The following SLC25A21 variants were observed in gnomAD, a reference collection of about 807,000 sequenced individuals.
SLC25A21 encodes the protein solute carrier family 25 member 21, also known as mitochondrial 2-oxodicarboxylate carrier.
Under a neutral mutation model 43.8 loss-of-function variants are expected in SLC25A21, and 47 were observed. The observed-to-expected ratio is 1.07, with a 90% CI of 0.85 to 1.37. SLC25A21 has a LOEUF of 1.37. Among genes scored for constraint, SLC25A21 ranks in the 40% most tolerant of loss-of-function variants. The probability of loss-of-function intolerance (pLI) is 0.00; values close to 1 mark genes in which losing one functional copy is unlikely to be tolerated. For missense variants in SLC25A21, 352 were observed against 350.2 expected (o/e 1.00, Z -0.04); for synonymous variants, 131 against 121.3 (o/e 1.08, Z -0.52).
intron 1 of SLC25A21, among the ~76,000 whole-genome samples, chr14:37,012,697 C>A (rs1026307076): frequency 5.9e-5 from 9 of 152,024 alleles, no homozygotes; most frequent in African/African-American, 2.2e-4. Flanking sequence ...CGTGGTAAGC[C>A]GAATTTCCCC....
At chr14:36,717,855 C>T (rs1163038042) in intron 6 of SLC25A21, among the ~76,000 whole-genome samples, 2 of 152,116 alleles carry the variant, frequency 1.3e-5, no homozygotes, top group Non-Finnish European at 2.9e-5. Flanking sequence ...ATAAAGCCAT[C>T]AACCTTATAA....
At chr14:36,738,766 A>C (rs1339688431) in intron 3 of SLC25A21, among the ~76,000 whole-genome samples, 1 of 152,224 alleles carries the variant, frequency 6.6e-6, no homozygotes, top group Non-Finnish European at 1.5e-5. Context: ...GTTTGATTTT[A>C]ACTGTCCTAT....
At chr14:36,868,335 C>G (rs969562911) in intron 2 of SLC25A21, among the ~76,000 whole-genome samples, 1 of 152,028 alleles carries the variant, frequency 6.6e-6, no homozygotes, top group Non-Finnish European at 1.5e-5. Flanking sequence ...ATACAGATGT[C>G]TCTGGGGAGG....
At chr14:36,839,954 T>C (rs557658833) in intron 2 of SLC25A21, among the ~76,000 whole-genome samples, 3 of 152,188 alleles carry the variant, frequency 2.0e-5, no homozygotes, top group Non-Finnish European at 2.9e-5. Flanking sequence ...ATTGTATAAG[T>C]GGTTAGTCTT....
In SLC25A21 at chr14:36,746,450, C is replaced by T. The variant is rs139958564; in HGVS notation, c.204-11877G>A. ...ATAACAGATTTTGGAGACTCCAAAA[C>T]TGGGAGGATGGGAGAGGGGTGAGGA... On this transcript the variant is annotated intron_variant, in intron 3 of 9. Transcript: ENST00000331299. Among the ~76,000 whole-genome samples, 101 of 152,150 alleles carry T rather than the reference C, an allele frequency of 6.6e-4. 2 individuals are homozygous for T. The highest frequency in any genetic ancestry group is 2.2e-3 in the African/African-American group (90 of 41,526).
chr14:36,745,240 T>C (rs1163242017), intron 3 of SLC25A21, among the ~76,000 whole-genome samples: 4 of 152,164 alleles, frequency 2.6e-5, no homozygotes, highest in Non-Finnish European at 4.4e-5. Context: ...ATCCAGTCTA[T>C]TATTGACGGA....
chr14:36,852,261 C>T (rs1245212326), intron 2 of SLC25A21, among the ~76,000 whole-genome samples: 1 of 152,186 alleles, frequency 6.6e-6, no homozygotes, highest in African/African-American at 2.4e-5. Context: ...TCTGTTTCCA[C>T]CAGCCAGCAA....
intron 1 of SLC25A21, among the ~76,000 whole-genome samples, chr14:37,021,113 C>A (rs1960975998): frequency 6.6e-6 from 1 of 151,892 alleles, no homozygotes; most frequent in Non-Finnish European, 1.5e-5. Context: ...CTGTTCAAAG[C>A]CAGTGTTATA....
intron 1 of SLC25A21, among the ~76,000 whole-genome samples, chr14:36,958,374 T>C (rs1478327197): frequency 6.6e-6 from 1 of 152,202 alleles, no homozygotes; most frequent in African/African-American, 2.4e-5. Context: ...TTATAAAAAG[T>C]AAAGTGAGTC....
chr14:36,834,304 A>G (rs1436521368), intron 2 of SLC25A21, among the ~76,000 whole-genome samples: 1 of 152,166 alleles, frequency 6.6e-6, no homozygotes, highest in Non-Finnish European at 1.5e-5. Context: ...GCATCTTTTT[A>G]TCTTTTCTTA....
chr14:36,861,877 A>G (rs749065573), intron 2 of SLC25A21, among the ~76,000 whole-genome samples: 2 of 152,154 alleles, frequency 1.3e-5, no homozygotes, highest in Non-Finnish European at 2.9e-5. Context: ...ATCCATCTGA[A>G]AAAGAGCTAA....
chr14:36,757,291 C>G (rs1314920067), intron 3 of SLC25A21, among the ~76,000 whole-genome samples: 1 of 151,886 alleles, frequency 6.6e-6, no homozygotes, highest in African/African-American at 2.4e-5. Flanking sequence ...GAAATAATTA[C>G]AAAAAAGTAC....
At chr14:36,842,034 T>C (rs1889400669) in intron 2 of SLC25A21, among the ~76,000 whole-genome samples, 1 of 152,232 alleles carries the variant, frequency 6.6e-6, no homozygotes, top group Non-Finnish European at 1.5e-5. Flanking sequence ...TCTCTTCCCA[T>C]GTTTCCACGT....
chr14:36,848,617 A>G lies in SLC25A21; in HGVS notation c.119+26339T>C, dbSNP rs537925955. 2.2e-3 allele frequency among the ~76,000 whole-genome samples: 330 copies of G among 152,314 alleles called. 1 individual carries two copies. Among genetic ancestry groups the G allele is most frequent in the Non-Finnish European group, 4.0e-3 (273 of 68,028 alleles). ...CTCTCGGTAGAAATGCAGTAAAGCC[A>G]TTCTTATCCCTAAATGATCAGCAGA... On this transcript the variant is annotated intron_variant, in intron 2 of 9. Coordinates refer to ENST00000331299, the MANE Select transcript of SLC25A21 (RefSeq NM_030631.4).
At chr14:36,746,609 C>A (rs1048353862) in intron 3 of SLC25A21, among the ~76,000 whole-genome samples, 2 of 152,144 alleles carry the variant, frequency 1.3e-5, no homozygotes, top group South Asian at 2.1e-4. Context: ...TTTATTAAGT[C>A]CTTCACCAGA....
intron 1 of SLC25A21, among the ~76,000 whole-genome samples, chr14:37,155,580 T>C (rs143119799): frequency 6.6e-6 from 1 of 152,000 alleles, no homozygotes; most frequent in African/African-American, 2.4e-5. Context: ...TCCATCAAAC[T>C]AACAGTGAAT....
Position 37,019,991 on chromosome 14 carries a change from G to T in SLC25A21, c.71-144987C>A, listed in dbSNP as rs528304551. 1.2e-4 allele frequency among the ~76,000 whole-genome samples: 18 copies of T among 152,064 alleles called. No homozygotes were observed. The East Asian group carries it at 3.1e-3, about 26-fold the overall frequency. On this transcript the variant is annotated intron_variant, in intron 1 of 9. Coordinates refer to ENST00000331299, the MANE Select transcript of SLC25A21 (RefSeq NM_030631.4). ...AAATAAATATAGGCAATCTAAACAT[G>T]TGAGATAAAATAAGTATAATTTTTA...
chr14:36,898,686 T>A (rs1442134972), intron 1 of SLC25A21, among the ~76,000 whole-genome samples: 1 of 152,068 alleles, frequency 6.6e-6, no homozygotes, highest in African/African-American at 2.4e-5. Context: ...CATCCCCCAA[T>A]CTCACTTATA....
chr14:37,025,022 T>C (rs1318187699), intron 1 of SLC25A21, among the ~76,000 whole-genome samples: 1 of 152,104 alleles, frequency 6.6e-6, no homozygotes, highest in Non-Finnish European at 1.5e-5. Context: ...GAATTTGTTA[T>C]TCTGTACAGG....
Sources: allele counts gnomAD v4.1 joint callset (sites outside exome capture counted in the v4.1 genomes callset), GRCh38; gene constraint gnomAD v4.1.1; transcripts MANE v1.5; gene names NCBI Gene and HGNC (gene_info 2026-07-23, HGNC 2026-07-21).